Variants in STPG2 observed in about 807,000 individuals in gnomAD.
The protein encoded by STPG2 is sperm tail PG-rich repeat containing 2, also known as sperm-tail PG-rich repeat-containing protein 2.
A neutral mutation model predicts 54.2 loss-of-function variants in STPG2; 56 were observed. The observed-to-expected ratio is 1.03, with a 90% CI of 0.83 to 1.29. The LOEUF (loss-of-function observed/expected upper bound fraction) is 1.29. Among genes scored for constraint, STPG2 ranks in the 50% most tolerant of loss-of-function variants. The pLI is 0.00. For synonymous variants in STPG2, 200 were observed against 181.8 expected (o/e 1.10, Z -0.81); for missense variants, 596 against 544.9 (o/e 1.09, Z -0.93).
intron 5 of STPG2, among the ~76,000 whole-genome samples, chr4:98,033,380 T>C (rs28797607): frequency 0.39 from 59,580 of 151,406 alleles, 11,873 homozygotes; most frequent in Middle Eastern, 0.46. Flanking sequence ...TCCGGACACA[T>C]ACAACCCCCA....
chr4:98,053,003 T>C (rs1186614612), intron 5 of STPG2, among the ~76,000 whole-genome samples: 1 of 152,122 alleles, frequency 6.6e-6, no homozygotes, highest in African/African-American at 2.4e-5. Context: ...AAGATATACC[T>C]TACCTCTCAA....
chr4:97,577,410 TA>T lies in STPG2; in HGVS notation c.1321-18294del, dbSNP rs58133955. Among the ~76,000 whole-genome samples the T allele has an allele frequency of 2.8e-4, 42 of 151,526 alleles. No individual in the cohort carries two copies. In the East Asian group the frequency reaches 6.0e-3, roughly 22 times the overall value. ...ATACACTATGGAACACCAACAGCCA[TA>T]AAAAAAAATCACACTTTTTGCAGCA... On this transcript the variant is annotated intron_variant, in intron 10 of 10. Coordinates refer to ENST00000295268, the MANE Select transcript of STPG2 (RefSeq NM_174952.3).
intron 8 of STPG2, among the ~76,000 whole-genome samples, chr4:97,882,318 C>T (rs1730407985): frequency 6.6e-6 from 1 of 151,232 alleles, no homozygotes; most frequent in African/African-American, 2.4e-5. Context: ...ATAGCTGCCA[C>T]TGTGAAACAA....
intron 5 of STPG2, among the ~76,000 whole-genome samples, chr4:97,982,086 G>A (rs182279974): frequency 1.3e-5 from 2 of 151,648 alleles, no homozygotes; most frequent in African/African-American, 2.4e-5. Context: ...GGGTTTCACC[G>A]TGTTAGCCAG....
chr4:98,023,318 G>A (rs1414366076), intron 5 of STPG2, among the ~76,000 whole-genome samples: 2 of 152,178 alleles, frequency 1.3e-5, no homozygotes, highest in African/African-American at 4.8e-5. Flanking sequence ...AGCAGCGGTG[G>A]CTGCAGAACA....
intron 10 of STPG2, among the ~76,000 whole-genome samples, chr4:97,681,547 C>T (rs924346192): frequency 4.0e-5 from 6 of 151,748 alleles, no homozygotes; most frequent in African/African-American, 1.4e-4. Flanking sequence ...TTTAATTCTC[C>T]ATTTTTATGG....
At chr4:97,719,633 A>G (rs1470313237) in intron 9 of STPG2, among the ~76,000 whole-genome samples, 1 of 151,930 alleles carries the variant, frequency 6.6e-6, no homozygotes, top group African/African-American at 2.4e-5. Context: ...TCTGGATGAG[A>G]CTATAATTTT....
chr4:97,563,899 A>G (rs1430658090), intron 10 of STPG2, among the ~76,000 whole-genome samples: 1 of 152,198 alleles, frequency 6.6e-6, no homozygotes, highest in Non-Finnish European at 1.5e-5. Context: ...GCTGAAAAAA[A>G]TATATATTCT....
At chr4:97,923,903 C>A (rs1015584438) in intron 8 of STPG2, among the ~76,000 whole-genome samples, 8 of 152,154 alleles carry the variant, frequency 5.3e-5, no homozygotes. Flanking sequence ...ACAGACCAAT[C>A]GGCTCTCTGT....
intron 3 of STPG2, among the ~76,000 whole-genome samples, chr4:98,117,301 G>T (rs939915116): frequency 1.3e-5 from 2 of 151,836 alleles, no homozygotes; most frequent in Non-Finnish European, 2.9e-5. Context: ...CCTTTTGGAG[G>T]ATTCCTTCTA....
intron 10 of STPG2, among the ~76,000 whole-genome samples, chr4:97,679,745 T>C (rs895887975): frequency 5.9e-5 from 9 of 152,114 alleles, no homozygotes; most frequent in African/African-American, 2.2e-4. Context: ...TCTTCTAGGG[T>C]TTTTATGGTT....
intron 5 of STPG2, among the ~76,000 whole-genome samples, chr4:98,006,452 T>C (rs1033930471): frequency 1.3e-5 from 2 of 152,180 alleles, no homozygotes; most frequent in African/African-American, 4.8e-5. Flanking sequence ...TGTTCTCAGA[T>C]CTGGAAACTG....
intron 7 of STPG2, among the ~76,000 whole-genome samples, chr4:97,970,803 G>T (rs2149256034): frequency 6.6e-6 from 1 of 152,246 alleles, no homozygotes; most frequent in South Asian, 2.1e-4. Context: ...AGTCAAAATT[G>T]ACAAATGGGA....
At chr4:97,780,923 T>C (rs1036429878) in intron 9 of STPG2, among the ~76,000 whole-genome samples, 1 of 151,826 alleles carries the variant, frequency 6.6e-6, no homozygotes, top group Non-Finnish European at 1.5e-5. Context: ...CTGGGACACA[T>C]TTAAAGCAGT....
At chr4:97,678,587 A>ATTTATTT (rs535762450) in intron 10 of STPG2, among the ~76,000 whole-genome samples, 2 of 151,716 alleles carry the variant, frequency 1.3e-5, no homozygotes, top group Non-Finnish European at 2.9e-5. Flanking sequence ...TGCCCATTTT[A>ATTTATTT]TTTATTTTTT....
intron 4 of STPG2, among the ~76,000 whole-genome samples, chr4:97,495,265 CTTTTT>C (rs1166892918): frequency 1.3e-5 from 2 of 151,098 alleles, no homozygotes; most frequent in African/African-American, 4.8e-5. Context: ...TCCCTATTTT[CTTTTT>C]TAAGTCACCA....
At chr4:97,885,769 G>A (rs1730539971) in intron 8 of STPG2, among the ~76,000 whole-genome samples, 1 of 151,892 alleles carries the variant, frequency 6.6e-6, no homozygotes, top group African/African-American at 2.4e-5. Flanking sequence ...ATGGACGTTG[G>A]TATACGCAGG....
chr4:98,124,673 T>C (rs1349406793), intron 3 of STPG2, among the ~76,000 whole-genome samples: 1 of 151,988 alleles, frequency 6.6e-6, no homozygotes, highest in Non-Finnish European at 1.5e-5. Context: ...TTATCTCATG[T>C]AGTATCTTAC....
Position 98,002,507 on chromosome 4 carries a change from T to C in STPG2, c.613-21189A>G, listed in dbSNP as rs1735442426. Among the ~76,000 whole-genome samples, 3 of 152,006 alleles carry C rather than the reference T, an allele frequency of 2.0e-5. No homozygotes were observed. The East Asian group carries it at 5.8e-4, about 29-fold the overall frequency. ...AAAGTAGCTCAGCTGGCCAGATGTA[T>C]AGACCCCTCAAGCAGATGAATAAGG... On this transcript the variant is annotated intron_variant, in intron 5 of 10. Transcript: ENST00000295268.
Sources: allele counts gnomAD v4.1 joint callset (sites outside exome capture counted in the v4.1 genomes callset), GRCh38; gene constraint gnomAD v4.1.1; transcripts MANE v1.5; gene names NCBI Gene and HGNC (gene_info 2026-07-23, HGNC 2026-07-21).